The following METTL6 variants were observed in gnomAD, a reference collection of about 807,000 sequenced individuals.
METTL6 encodes the protein methyltransferase 6, tRNA N3-cytidine, also known as tRNA N(3)-cytidine methyltransferase METTL6.
A neutral mutation model predicts 26.4 loss-of-function variants in METTL6; 22 were observed. That is an observed-to-expected ratio of 0.83 (90% CI 0.59 to 1.19). METTL6 has a LOEUF of 1.19. Among genes scored for constraint, METTL6 ranks in the 50% most tolerant of loss-of-function variants. METTL6 has a pLI of 0.00. For synonymous variants in METTL6, 109 were observed against 116.2 expected (o/e 0.94, Z 0.40); for missense variants, 304 against 324.8 (o/e 0.94, Z 0.49).
chr3:15,385,615 A>G (rs1022499844), intron 6 of METTL6, among the ~76,000 whole-genome samples: 2 of 151,878 alleles, frequency 1.3e-5, no homozygotes, highest in African/African-American at 4.8e-5. Context: ...CAAACGAACG[A>G]ACAAAAAAAC....
At chr3:15,392,572 G>A (rs373544784) in intron 6 of METTL6, among the ~76,000 whole-genome samples, 9 of 152,062 alleles carry the variant, frequency 5.9e-5, no homozygotes, top group African/African-American at 4.8e-5. Context: ...GTCCTTGCCC[G>A]TGCCTATGTC....
At chr3:15,389,098 CT>C (rs1346220896) in intron 6 of METTL6, among the ~76,000 whole-genome samples, 1 of 151,904 alleles carries the variant, frequency 6.6e-6, no homozygotes, top group Non-Finnish European at 1.5e-5. Flanking sequence ...TCAAACAATC[CT>C]TCCTGCTCAG....
At chr3:15,412,898 A>C (rs1700032991) in intron 5 of METTL6, among the ~76,000 whole-genome samples, 1 of 152,180 alleles carries the variant, frequency 6.6e-6, no homozygotes, top group Non-Finnish European at 1.5e-5. Context: ...TGTTCAAGAC[A>C]CCTAAAAGAC....
intron 6 of METTL6, among the ~76,000 whole-genome samples, chr3:15,392,975 T>G (rs1422863387): frequency 6.6e-6 from 1 of 152,226 alleles, no homozygotes; most frequent in African/African-American, 2.4e-5. Flanking sequence ...GACTTGGCAA[T>G]GCGGGCTCTT....
In METTL6 at chr3:15,425,035, AAC is replaced by A. The variant is rs1356879288; in HGVS notation, c.278_279del (p.Cys93PhefsTer17). The A allele has an allele frequency of 6.2e-6, 10 of 1,614,094 alleles. No individual in the cohort carries two copies. Among genetic ancestry groups the A allele is most frequent in the Non-Finnish European group, 8.5e-6 (10 of 1,180,044 alleles). The part of the protein sequence containing the change: ...MLEAGCGVGN[C>X]LFPLLEEDPN... ...GGATCTTCTTCTAAAAGTGGGAATA[AAC>A]AGTTTCCAACCCCACAGCCAGCTTC... is the stretch of plus-strand genomic sequence containing the variant. On this transcript the variant is annotated frameshift_variant, in exon 3 of 6. Coordinates refer to ENST00000383790, the MANE Select transcript of METTL6 (RefSeq NM_152396.4). LOFTEE classifies it high-confidence loss of function.
chr3:15,425,204 C>T lies in METTL6; in HGVS notation c.226-115G>A, dbSNP rs1039826409. 8.2e-6 allele frequency: 9 copies of T among 1,094,934 alleles called. No homozygotes were observed. In the East Asian group the frequency reaches 1.9e-4, roughly 24 times the overall value. 67.8% of individuals were successfully genotyped at this position (1,094,934 alleles called of 1,614,324 possible). ...CCGACCCCATGGAGCAGACGATCAA[C>T]AAGAGAACTAATAAGCAAAAGCTAA... On this transcript the variant is annotated intron_variant, in intron 2 of 5. Coordinates refer to ENST00000383790, the MANE Select transcript of METTL6 (RefSeq NM_152396.4).
chr3:15,392,995 C>T (rs1244241312), intron 6 of METTL6, among the ~76,000 whole-genome samples: 1 of 152,126 alleles, frequency 6.6e-6, no homozygotes, highest in East Asian at 1.9e-4. Flanking sequence ...TTTTTAGTTC[C>T]ATATGAACTT....
chr3:15,415,257 G>A (rs1029249587), intron 4 of METTL6, among the ~76,000 whole-genome samples: 3 of 152,232 alleles, frequency 2.0e-5, no homozygotes, highest in Non-Finnish European at 4.4e-5. Flanking sequence ...ACAAAGGAAT[G>A]TGATTATTAT....
At chr3:15,424,911 C>T (rs371461010) in intron 3 of METTL6, 44 bp downstream of exon 3, 15 of 1,609,670 alleles carry the variant, frequency 9.3e-6, no homozygotes, top group Admixed American at 1.7e-5. Context: ...ACAAGATCGG[C>T]AAGAAAACAG....
intron 2 of METTL6, 23 bp downstream of exon 2, chr3:15,426,264 G>T (rs890779322): frequency 6.2e-7 from 1 of 1,604,190 alleles, no homozygotes; most frequent in Non-Finnish European, 8.5e-7. Flanking sequence ...GAACAGCTCA[G>T]ATAAGGCGTA....
intron 6 of METTL6, among the ~76,000 whole-genome samples, chr3:15,392,539 C>G (rs138777501): frequency 5.5e-4 from 83 of 152,180 alleles, no homozygotes; most frequent in African/African-American, 1.5e-3. Context: ...CGTTGCCATT[C>G]CTTTTGGTGT....
Position 15,426,355 on chromosome 3 carries a change from T to A in METTL6, c.157A>T (p.Ser53Cys). The change falls in exon 2 of 6, where the codon AGC (serine) becomes TGC (cysteine). Residue 53 changes from serine to cysteine, a missense_variant. Physicochemically the swap from Ser to Cys is moderately radical, Grantham distance 112. Coordinates refer to ENST00000383790, the MANE Select transcript of METTL6 (RefSeq NM_152396.4). ...KNWDLFYKRNSTNFFKDRHWT... is the reference protein window; with the variant it reads ...KNWDLFYKRNCTNFFKDRHWT... ...TGTCTGTCTTTGAAGAAATTAGTGC[T>A]ATTTCTTTTGTAAAAAAGATCCCAA... 1 of 1,614,252 alleles carries A rather than the reference T, an allele frequency of 6.2e-7. No homozygotes were observed. Among genetic ancestry groups the A allele is most frequent in the Non-Finnish European group, 8.5e-7 (1 of 1,180,028 alleles).
At chr3:15,412,096 G>A (rs934278732) in intron 5 of METTL6, among the ~76,000 whole-genome samples, 4 of 151,978 alleles carry the variant, frequency 2.6e-5, no homozygotes, top group African/African-American at 9.7e-5. Flanking sequence ...TTATCTTATT[G>A]TTTCCCATCT....
intron 6 of METTL6, among the ~76,000 whole-genome samples, chr3:15,394,460 A>C (rs1202883188): frequency 1.3e-5 from 2 of 151,120 alleles, no homozygotes; most frequent in Non-Finnish European, 2.9e-5. Context: ...TCCTGGATTC[A>C]TTGATTTTTT....
chr3:15,406,171 C>T (rs914405644), downstream of METTL6, among the ~76,000 whole-genome samples: 19 of 151,898 alleles, frequency 1.3e-4, no homozygotes, highest in South Asian at 6.3e-4. Context: ...ACTACGTTTC[C>T]GGCGACTGTT....
chr3:15,405,202 C>A (rs73818917), downstream of METTL6, among the ~76,000 whole-genome samples: 1 of 152,204 alleles, frequency 6.6e-6, no homozygotes, highest in Non-Finnish European at 1.5e-5. Flanking sequence ...GTGTCCAGCA[C>A]GTATTTATGC....
chr3:15,389,502 T>C (rs1341822490), intron 6 of METTL6, among the ~76,000 whole-genome samples: 3 of 152,210 alleles, frequency 2.0e-5, no homozygotes, highest in Admixed American at 6.5e-5. Context: ...GAGCCATATA[T>C]TGGGGTGAGG....
In METTL6 at chr3:15,411,165, G is replaced by T; in HGVS notation, c.*91C>A. On this transcript the variant is annotated 3_prime_UTR_variant, in exon 6 of 6. Coordinates refer to ENST00000383790, the MANE Select transcript of METTL6 (RefSeq NM_152396.4). Reference sequence around the variant, plus strand: ...CAACCTCGGCCTCCCGAAGTGCTGGGATTACAGGCATGAGCCACCGCACCC... The same window carrying T: ...CAACCTCGGCCTCCCGAAGTGCTGGTATTACAGGCATGAGCCACCGCACCC... 1 of 1,415,076 alleles carries T rather than the reference G, an allele frequency of 7.1e-7. No homozygotes were observed. Among genetic ancestry groups the T allele is most frequent in the Non-Finnish European group, 9.6e-7 (1 of 1,044,096 alleles). The allele number at this position is 1,415,076 out of a possible 1,614,324, so 87.7% of individuals were successfully genotyped here.
At chr3:15,388,215 A>T (rs1463069023) in intron 6 of METTL6, among the ~76,000 whole-genome samples, 1 of 152,012 alleles carries the variant, frequency 6.6e-6, no homozygotes, top group Non-Finnish European at 1.5e-5. Flanking sequence ...GGTTCAAGTG[A>T]TTCTCCTGCC....
Sources: gnomAD v4.1 joint callset for allele counts (sites outside exome capture counted in the v4.1 genomes callset) on GRCh38, gnomAD v4.1.1 for gene constraint, MANE v1.5 for transcripts, NCBI Gene and HGNC (gene_info 2026-07-23, HGNC 2026-07-21) for gene names.